KIN: variants seen among roughly 807,000 people sequenced by gnomAD.
KIN encodes the protein DNA/RNA-binding protein KIN17.
A neutral mutation model predicts 63.0 loss-of-function variants in KIN; 47 were observed. The observed-to-expected ratio is 0.75, with a 90% CI of 0.59 to 0.95. The LOEUF is 0.95. KIN is among the 40% of genes least tolerant of loss of function. The pLI, the probability that KIN is intolerant of heterozygous loss-of-function variation, is 0.00. For synonymous variants in KIN, 160 were observed against 157.7 expected, an observed-to-expected ratio of 1.01 and a Z score of -0.11; for missense variants, 408 against 460.9, an observed-to-expected ratio of 0.89 and a Z score of 1.05.
intron 1 of KIN, among the ~76,000 whole-genome samples, chr10:7,785,086 T>C (rs779178205): frequency 6.6e-6 from 1 of 151,246 alleles, no homozygotes; most frequent in Non-Finnish European, 1.5e-5. Flanking sequence ...CCTATCTCTA[T>C]ACAAATAAAA....
chr10:7,775,513 T>C (rs1162669090), intron 6 of KIN, among the ~76,000 whole-genome samples: 1 of 152,200 alleles, frequency 6.6e-6, no homozygotes. Flanking sequence ...GGGATTCTTA[T>C]TATGGCAAGA....
chr10:7,765,100 G>A (rs191715170), intron 9 of KIN, among the ~76,000 whole-genome samples: 1 of 151,186 alleles, frequency 6.6e-6, no homozygotes, highest in Non-Finnish European at 1.5e-5. Context: ...CAGAGATTAC[G>A]GTGAGCTGAG....
At position 7,755,447 on chromosome 10, in the gene KIN, T is replaced by C. The variant is rs1021809646; in HGVS notation, c.*633A>G. On this transcript the variant is annotated 3_prime_UTR_variant, in exon 13 of 13. Coordinates refer to ENST00000379562, the MANE Select transcript of KIN (RefSeq NM_012311.4). ...ATAAGAAATGTCCAGAAAGGGCAAA[T>C]CCATAGAGACAGAAAGTACATTAGT... 1 of 152,100 alleles carries C rather than the reference T, an allele frequency of 6.6e-6. No individual in the cohort carries two copies. Among genetic ancestry groups the C allele is most frequent in the Non-Finnish European group, 1.5e-5 (1 of 68,010 alleles). The allele number at this position is 152,100 out of a possible 1,614,324, so 9.4% of individuals were successfully genotyped here.
rs551790542 is a variant in KIN, at chr10:7,763,806, CA to C, written c.850-16del. 1,776 of 1,178,538 alleles carry C rather than the reference CA, an allele frequency of 1.5e-3. 2 individuals carry two copies. Among genetic ancestry groups the C allele is most frequent in the Middle Eastern group, 3.5e-3 (18 of 5,138 alleles). 73.0% of individuals were successfully genotyped at this position (1,178,538 alleles called of 1,614,324 possible). ...ACAATAATTTCCTAGAAAATAATAA[CA>C]AAAAAAATGAAAGGAAAGACAGAAG... On this transcript the variant is annotated splice_polypyrimidine_tract_variant and intron_variant, in intron 9 of 12. Transcript: ENST00000379562.
Position 7,754,405 on chromosome 10 carries a change from C to T in KIN, c.*1675G>A, listed in dbSNP as rs569786770. 21 of 212,314 alleles carry T rather than the reference C, an allele frequency of 9.9e-5. No homozygotes were observed. Among genetic ancestry groups the T allele is most frequent in the African/African-American group, 3.3e-4 (14 of 42,808 alleles). The allele number at this position is 212,314 out of a possible 1,614,324, so 13.2% of individuals were successfully genotyped here. ...ATCCCAGCACTTTGGGAGGCTGAGG[C>T]GGGCAGATCATAAGGTCAAGAGATC... On this transcript the variant is annotated 3_prime_UTR_variant, in exon 13 of 13. Coordinates refer to ENST00000379562, the MANE Select transcript of KIN (RefSeq NM_012311.4).
intron 5 of KIN, among the ~76,000 whole-genome samples, chr10:7,776,794 A>G (rs887300207): frequency 6.6e-6 from 1 of 151,326 alleles, no homozygotes; most frequent in African/African-American, 2.4e-5. Context: ...TCATGCCTAT[A>G]ATCCCAGCAC....
Position 7,783,188 on chromosome 10 carries a change from TA to T in KIN, c.115-14del, listed in dbSNP as rs760506892. 1.3e-6 allele frequency: 2 copies of T among 1,492,744 alleles called. No individual in the cohort carries two copies. The highest frequency in any genetic ancestry group is 9.1e-7 in the Non-Finnish European group (1 of 1,094,886). The allele number at this position is 1,492,744 out of a possible 1,614,324, so 92.5% of individuals were successfully genotyped here. A position where few individuals can be genotyped will look rare whatever the true frequency, so the allele number is the denominator to read the frequency against. On this transcript the variant is annotated splice_polypyrimidine_tract_variant and intron_variant, in intron 1 of 12. Transcript: ENST00000379562. Reference sequence around the variant, plus strand: ...ACTTAAAGCCATTCTACAAAAAATGTAAAAGCAATAAATTCTGATTTAGGTC... The same window carrying T: ...ACTTAAAGCCATTCTACAAAAAATGTAAAGCAATAAATTCTGATTTAGGTC...
intron 5 of KIN, among the ~76,000 whole-genome samples, chr10:7,776,332 G>C (rs936960951): frequency 2.7e-5 from 4 of 148,852 alleles, no homozygotes; most frequent in Admixed American, 6.8e-5. Flanking sequence ...CCTGAGGTCA[G>C]GCATTCGAGA....
chr10:7,775,252 C>G lies in KIN; in HGVS notation c.608-361G>C, dbSNP rs576889457. On this transcript the variant is annotated intron_variant, in intron 6 of 12. Coordinates refer to ENST00000379562, the MANE Select transcript of KIN (RefSeq NM_012311.4). ...TGGGGTGAATTCTGATTGTCTAATC[C>G]AATCAACATAATCCCAGTGACTGCT... Among the ~76,000 whole-genome samples, 10 of 152,342 alleles carry G rather than the reference C, an allele frequency of 6.6e-5. No individual in the cohort carries two copies. The East Asian group carries it at 1.5e-3, about 24-fold the overall frequency.
chr10:7,767,425 C>T (rs1054395234), intron 8 of KIN, among the ~76,000 whole-genome samples: 1 of 152,190 alleles, frequency 6.6e-6, no homozygotes, highest in African/African-American at 2.4e-5. Flanking sequence ...GACTGTTTTT[C>T]TTTCTACTAT....
At chr10:7,776,509 T>A (rs1364502322) in intron 5 of KIN, among the ~76,000 whole-genome samples, 1 of 151,250 alleles carries the variant, frequency 6.6e-6, no homozygotes, top group Non-Finnish European at 1.5e-5. Flanking sequence ...GCCACTTCAC[T>A]CCAGGCTGGG....
intron 9 of KIN, among the ~76,000 whole-genome samples, chr10:7,764,881 C>T (rs1217466680): frequency 1.3e-5 from 2 of 152,110 alleles, no homozygotes; most frequent in African/African-American, 2.4e-5. Flanking sequence ...CACAGTGGGC[C>T]GGGCGCGGTG....
At chr10:7,759,337 C>G (rs1043255787) in intron 12 of KIN, among the ~76,000 whole-genome samples, 1 of 152,114 alleles carries the variant, frequency 6.6e-6, no homozygotes, top group Non-Finnish European at 1.5e-5. Flanking sequence ...CAATAACCAA[C>G]TTTATTTATA....
At chr10:7,760,297 A>G (rs1452733319) in intron 11 of KIN, among the ~76,000 whole-genome samples, 2 of 152,234 alleles carry the variant, frequency 1.3e-5, no homozygotes. Flanking sequence ...AGAAGTAATC[A>G]GAGACAATTT....
chr10:7,777,987 T>C (rs1835815168), intron 5 of KIN, among the ~76,000 whole-genome samples: 1 of 152,152 alleles, frequency 6.6e-6, no homozygotes, highest in South Asian at 2.1e-4. Context: ...ACAAGAATCC[T>C]GGCACAGCGG....
chr10:7,774,447 A>C (rs939793839), intron 7 of KIN, among the ~76,000 whole-genome samples: 2 of 152,212 alleles, frequency 1.3e-5, no homozygotes, highest in Non-Finnish European at 2.9e-5. Context: ...GAGAAGCAAA[A>C]GTTTATTGAT....
At chr10:7,765,930 T>C (rs1014198063) in intron 9 of KIN, 123 bp downstream of exon 9, 20 of 588,722 alleles carry the variant, frequency 3.4e-5, no homozygotes, top group Admixed American at 1.0e-4. Flanking sequence ...TTATAAGTTA[T>C]AACTAACTCT....
rs1441207711 is a variant in KIN, at chr10:7,752,933, C to G, written c.*3147G>C. 6.6e-6 allele frequency: 1 copy of G among 152,156 alleles called. No individual in the cohort carries two copies. Among genetic ancestry groups the G allele is most frequent in the African/African-American group, 2.4e-5 (1 of 41,430 alleles). 9.4% of individuals were successfully genotyped at this position (152,156 alleles called of 1,614,324 possible). On this transcript the variant is annotated 3_prime_UTR_variant, in exon 13 of 13. Coordinates refer to ENST00000379562, the MANE Select transcript of KIN (RefSeq NM_012311.4). ...CAGGGATTTGGGGGGAGACAGGGAACAGACAGAACACAGGAAACTTCTAGG... is the reference window on the plus strand; with the variant it reads ...CAGGGATTTGGGGGGAGACAGGGAAGAGACAGAACACAGGAAACTTCTAGG...
rs74121654 is a variant in KIN, at chr10:7,768,163, T to C, written c.798+1053A>G. 7.1e-3 allele frequency among the ~76,000 whole-genome samples: 1,086 copies of C among 152,286 alleles called. 9 individuals carry two copies. The highest frequency in any genetic ancestry group is 0.025 in the African/African-American group (1,025 of 41,562). On this transcript the variant is annotated intron_variant, in intron 8 of 12. Transcript: ENST00000379562. The stretch of plus-strand genomic sequence containing the variant: ...GCCCAAGTATGGCCCTAAATATGGA[T>C]AATCATGTACTTCCAATGATTTTTC...
Sources: allele counts gnomAD v4.1 joint callset (sites outside exome capture counted in the v4.1 genomes callset), GRCh38; gene constraint gnomAD v4.1.1; transcripts MANE v1.5; gene names NCBI Gene and HGNC (gene_info 2026-07-23, HGNC 2026-07-21).